Variants in CFAP299 observed in about 807,000 individuals in gnomAD.
The protein encoded by CFAP299 is cilia- and flagella-associated protein 299.
A neutral mutation model predicts 27.0 loss-of-function variants in CFAP299; 21 were observed. The ratio of observed to expected loss-of-function variants is 0.78; its 90% confidence interval spans 0.55 to 1.12. The LOEUF (loss-of-function observed/expected upper bound fraction) is 1.12, where lower values mean the gene tolerates loss of function less well. Among genes scored for constraint, CFAP299 ranks in the 50% most tolerant of loss-of-function variants. The probability of loss-of-function intolerance (pLI) is 0.00; values close to 1 mark genes in which losing one functional copy is unlikely to be tolerated. For synonymous variants in CFAP299, 104 were observed against 98.1 expected (o/e 1.06, Z -0.36); for missense variants, 310 against 276.6 (o/e 1.12, Z -0.86).
At chr4:80,480,630 T>G (rs1730516670) in intron 2 of CFAP299, among the ~76,000 whole-genome samples, 1 of 152,060 alleles carries the variant, frequency 6.6e-6, no homozygotes, top group South Asian at 2.1e-4. Flanking sequence ...TAGTTTTGTC[T>G]GCTCAGAGAT....
intron 4 of CFAP299, among the ~76,000 whole-genome samples, chr4:80,910,772 A>G (rs1190155681): frequency 6.6e-6 from 1 of 151,980 alleles, no homozygotes; most frequent in African/African-American, 2.4e-5. Flanking sequence ...TTACCTATAT[A>G]CCAAACCTGC....
intron 4 of CFAP299, among the ~76,000 whole-genome samples, chr4:80,919,353 AC>A (rs1419289283): frequency 6.6e-6 from 1 of 152,152 alleles, no homozygotes; most frequent in Non-Finnish European, 1.5e-5. Flanking sequence ...AACTCATAGA[AC>A]AAATGTGGTA....
intron 2 of CFAP299, among the ~76,000 whole-genome samples, chr4:80,433,726 CAG>C (rs141220536): frequency 0.028 from 4,329 of 152,198 alleles, 80 homozygotes; most frequent in Non-Finnish European, 0.043. Flanking sequence ...TATTTGCTCT[CAG>C]AGTAACTTTT....
At chr4:80,770,541 C>T (rs780605240) in intron 3 of CFAP299, among the ~76,000 whole-genome samples, 14 of 152,234 alleles carry the variant, frequency 9.2e-5, no homozygotes, top group Admixed American at 2.0e-4. Context: ...TATTAAAAAC[C>T]AACTAATATT....
intron 1 of CFAP299, among the ~76,000 whole-genome samples, chr4:80,346,468 G>C (rs887964778): frequency 6.6e-6 from 1 of 152,144 alleles, no homozygotes; most frequent in African/African-American, 2.4e-5. Context: ...GTAAGGAAGG[G>C]ATCCAGTTTC....
chr4:80,612,569 T>A lies in CFAP299; in HGVS notation c.333+29386T>A, dbSNP rs183448724. On this transcript the variant is annotated intron_variant, in intron 3 of 5. Transcript: ENST00000358105. The stretch of plus-strand genomic sequence containing the variant: ...TTATTTAACATTATGTTTTGTGAAA[T>A]CTCTGTAACTGTATAAAATGATTTG... Among the ~76,000 whole-genome samples, 3 of 152,212 alleles carry A rather than the reference T, an allele frequency of 2.0e-5. No homozygotes were observed. In the East Asian group the frequency reaches 5.8e-4, roughly 29 times the overall value.
chr4:80,670,323 C>T (rs888262191), intron 3 of CFAP299, among the ~76,000 whole-genome samples: 1 of 152,072 alleles, frequency 6.6e-6, no homozygotes, highest in South Asian at 2.1e-4. Context: ...TGAACTCATC[C>T]TTTTTTATGG....
rs1240254869 is a variant in CFAP299, at chr4:80,362,788, G to C, written c.146G>C (p.Gly49Ala). Residue 49 changes from glycine (G) to alanine (A), a missense_variant, in exon 2 of 6, where the codon GGC becomes GCC. Transcript: ENST00000358105. ...CTGGCCCGCCAGTTGGTGGAGCTAG[G>C]CTACCGAGGGACTGGAGAGAGAGTG... ...ETLARQLVEL[G>A]YRGTGERVKR... The C allele has an allele frequency of 6.2e-7, 1 of 1,612,662 alleles. No individual in the cohort carries two copies. Among genetic ancestry groups the C allele is most frequent in the Admixed American group, 1.7e-5 (1 of 59,444 alleles).
chr4:80,522,945 T>G (rs1323476722), intron 2 of CFAP299, among the ~76,000 whole-genome samples: 1 of 152,174 alleles, frequency 6.6e-6, no homozygotes, highest in Admixed American at 6.6e-5. Context: ...CCTCTAGATT[T>G]GTTCTTCTTT....
At chr4:80,366,767 G>A (rs1723855289) in intron 2 of CFAP299, among the ~76,000 whole-genome samples, 1 of 152,172 alleles carries the variant, frequency 6.6e-6, no homozygotes, top group Non-Finnish European at 1.5e-5. Context: ...ACAAATGTCA[G>A]TAGCAGTATT....
chr4:80,710,356 T>C (rs1722070508), intron 3 of CFAP299, among the ~76,000 whole-genome samples: 1 of 152,020 alleles, frequency 6.6e-6, no homozygotes, highest in Non-Finnish European at 1.5e-5. Context: ...GACAAGTTTG[T>C]GATTGAAAGA....
chr4:80,649,251 G>C (rs2109967445), intron 3 of CFAP299: 1 of 152,200 alleles, frequency 6.6e-6, no homozygotes, highest in Middle Eastern at 3.4e-3. Flanking sequence ...AGGTACTGAT[G>C]GTGCTTGAGT....
At chr4:80,582,845 A>G (rs1736238602) in intron 2 of CFAP299, among the ~76,000 whole-genome samples, 1 of 151,884 alleles carries the variant, frequency 6.6e-6, no homozygotes, top group African/African-American at 2.4e-5. Flanking sequence ...GGGCATGTAA[A>G]TGAAATTATA....
chr4:80,506,386 TA>T (rs1732038596), intron 2 of CFAP299, among the ~76,000 whole-genome samples: 1 of 152,106 alleles, frequency 6.6e-6, no homozygotes, highest in Non-Finnish European at 1.5e-5. Flanking sequence ...AGATTATAAT[TA>T]GTTGAGATAG....
At chr4:80,483,498 G>A (rs1189048246) in intron 2 of CFAP299, among the ~76,000 whole-genome samples, 1 of 151,974 alleles carries the variant, frequency 6.6e-6, no homozygotes, top group South Asian at 2.1e-4. Context: ...TCTCAATTTT[G>A]TTTTCATTAT....
rs149779532 is a variant in CFAP299, at chr4:80,516,337, A to G, written c.243-66756A>G. ...TGCCTGGCCCTGTTTTTGCATTTCTATAAAGGAATACCTTAGGCTAGGTAA... is the reference window on the plus strand; with the variant it reads ...TGCCTGGCCCTGTTTTTGCATTTCTGTAAAGGAATACCTTAGGCTAGGTAA... On this transcript the variant is annotated intron_variant, in intron 2 of 5. Transcript: ENST00000358105. Among the ~76,000 whole-genome samples the G allele has an allele frequency of 8.7e-4, 133 of 152,186 alleles. 1 individual carries two copies. Among genetic ancestry groups the G allele is most frequent in the African/African-American group, 3.1e-3 (127 of 41,542 alleles).
At chr4:80,856,333 T>C (rs1415829329) in intron 3 of CFAP299, among the ~76,000 whole-genome samples, 1 of 148,414 alleles carries the variant, frequency 6.7e-6, no homozygotes, top group Non-Finnish European at 1.5e-5. Flanking sequence ...GTTGCGAAAA[T>C]TTTCTCCCAT....
At chr4:80,849,085 G>A (rs904462688) in intron 3 of CFAP299, among the ~76,000 whole-genome samples, 5 of 152,136 alleles carry the variant, frequency 3.3e-5, no homozygotes, top group Non-Finnish European at 5.9e-5. Context: ...TGACTCTCTT[G>A]TAATAACACA....
intron 2 of CFAP299, among the ~76,000 whole-genome samples, chr4:80,558,673 A>G (rs887403628): frequency 4.6e-5 from 7 of 151,382 alleles, no homozygotes; most frequent in Admixed American, 1.3e-4. Flanking sequence ...ACTATTTCAG[A>G]GCATTGGAAA....
Sources: gnomAD v4.1 joint callset for allele counts (sites outside exome capture counted in the v4.1 genomes callset) on GRCh38, gnomAD v4.1.1 for gene constraint, MANE v1.5 for transcripts, NCBI Gene and HGNC (gene_info 2026-07-23, HGNC 2026-07-21) for gene names.